Variants in FRMD4A observed in about 807,000 individuals in gnomAD.
FRMD4A encodes FERM domain containing 4A, also known as FERM domain-containing protein 4A.
A neutral mutation model predicts 129.1 loss-of-function variants in FRMD4A; 29 were observed. The observed-to-expected ratio is 0.22, with a 90% CI of 0.17 to 0.31. The LOEUF (loss-of-function observed/expected upper bound fraction) is 0.31. FRMD4A is among the 10% of genes least tolerant of loss of function. The pLI is 1.00. For synonymous variants in FRMD4A, 634 were observed against 571.6 expected (o/e 1.11, Z -1.56); for missense variants, 1,272 against 1,375.8 (o/e 0.92, Z 1.19).
chr10:14,121,597 C>A (rs1235665540), intron 2 of FRMD4A, among the ~76,000 whole-genome samples: 1 of 152,186 alleles, frequency 6.6e-6, no homozygotes, highest in Non-Finnish European at 1.5e-5. Context: ...AAGGGCAAAG[C>A]AACATCCCTG....
rs1842761235 is a variant in FRMD4A, at chr10:14,205,705, G to T, written c.45+124353C>A. On this transcript the variant is annotated intron_variant, in intron 2 of 24. Coordinates refer to ENST00000357447, the MANE Select transcript of FRMD4A (RefSeq NM_018027.5). ...ACCTGTAGTCCCAGCTACTCAGGAGGCTGAGGTGGGAGAATCACTTGAAGC... is the reference window on the plus strand; with the variant it reads ...ACCTGTAGTCCCAGCTACTCAGGAGTCTGAGGTGGGAGAATCACTTGAAGC... 2.0e-5 allele frequency among the ~76,000 whole-genome samples: 3 copies of T among 151,496 alleles called. No homozygotes were observed. In the South Asian group the frequency reaches 6.2e-4, roughly 31 times the overall value.
At chr10:13,981,870 C>T (rs2131405276) in intron 2 of FRMD4A, among the ~76,000 whole-genome samples, 2 of 152,078 alleles carry the variant, frequency 1.3e-5, no homozygotes, top group Admixed American at 1.3e-4. Flanking sequence ...GATCCAGTGA[C>T]CTGCAGGTAG....
At chr10:13,931,126 G>A (rs149004850) in intron 2 of FRMD4A, among the ~76,000 whole-genome samples, 1 of 152,296 alleles carries the variant, frequency 6.6e-6, no homozygotes, top group Non-Finnish European at 1.5e-5. Flanking sequence ...TAACTTTTCT[G>A]ATGTAAGGTG....
intron 2 of FRMD4A, among the ~76,000 whole-genome samples, chr10:14,035,949 G>A: frequency 6.6e-6 from 1 of 152,000 alleles, no homozygotes; most frequent in South Asian, 2.1e-4. Flanking sequence ...GGCTGAGGCA[G>A]GAGAATCACT....
chr10:13,936,916 C>A (rs2095253720), intron 2 of FRMD4A, among the ~76,000 whole-genome samples: 1 of 152,184 alleles, frequency 6.6e-6, no homozygotes, highest in South Asian at 2.1e-4. Context: ...AAGCTTTTCC[C>A]CTTAAATAAA....
At chr10:14,001,970 G>A (rs1431162433) in intron 2 of FRMD4A, among the ~76,000 whole-genome samples, 6 of 152,206 alleles carry the variant, frequency 3.9e-5, no homozygotes, top group African/African-American at 1.4e-4. Context: ...CAACGATAGA[G>A]ACTCTGTTGT....
chr10:14,294,647 C>T (rs1845952678), intron 2 of FRMD4A, among the ~76,000 whole-genome samples: 1 of 152,234 alleles, frequency 6.6e-6, no homozygotes, highest in East Asian at 1.9e-4. Flanking sequence ...TTCTCTACAA[C>T]AGTGAGCACA....
intron 2 of FRMD4A, among the ~76,000 whole-genome samples, chr10:14,012,531 G>C (rs2095685832): frequency 6.6e-6 from 1 of 152,198 alleles, no homozygotes; most frequent in Non-Finnish European, 1.5e-5. Context: ...CCATTGGAGA[G>C]AGAACATTTT....
chr10:13,963,459 G>C (rs577927419), intron 2 of FRMD4A, among the ~76,000 whole-genome samples: 15 of 152,246 alleles, frequency 9.9e-5, no homozygotes, highest in African/African-American at 3.6e-4. Flanking sequence ...CTTTCCACAT[G>C]TGGAAACGTT....
At chr10:14,325,044 A>C (rs1351042924) in intron 2 of FRMD4A, among the ~76,000 whole-genome samples, 1 of 152,226 alleles carries the variant, frequency 6.6e-6, no homozygotes, top group Non-Finnish European at 1.5e-5. Context: ...ACCATATAAT[A>C]GGAAGATGTC....
intron 6 of FRMD4A, among the ~76,000 whole-genome samples, chr10:13,773,361 C>G (rs988702573): frequency 1.3e-5 from 2 of 152,336 alleles, no homozygotes; most frequent in African/African-American, 4.8e-5. Context: ...ACAGCCCTTT[C>G]TCCTAGTTAG....
chr10:14,183,249 G>C (rs1440796017), intron 2 of FRMD4A, among the ~76,000 whole-genome samples: 2 of 152,186 alleles, frequency 1.3e-5, no homozygotes, highest in Admixed American at 1.3e-4. Flanking sequence ...ATGAAATAAT[G>C]TGCAGACAGA....
chr10:14,113,244 G>C (rs542150399), intron 2 of FRMD4A, among the ~76,000 whole-genome samples: 2 of 152,144 alleles, frequency 1.3e-5, no homozygotes, highest in Non-Finnish European at 2.9e-5. Context: ...CCACTTACAC[G>C]TGAATTTTCT....
chr10:14,162,641 G>GTTTTTTTTTTTTTTTTTTTTTTTT (rs71388160), intron 2 of FRMD4A, among the ~76,000 whole-genome samples: 4 of 118,396 alleles, frequency 3.4e-5, no homozygotes, highest in African/African-American at 1.0e-4. Context: ...TTTTTTTTTT[G>GTTTTTTTTTTTTTTTTTTTTTTTT]TTTTTTTTTT....
chr10:14,190,666 G>T (rs997789121), intron 2 of FRMD4A, among the ~76,000 whole-genome samples: 5 of 152,230 alleles, frequency 3.3e-5, no homozygotes, highest in South Asian at 4.1e-4. Context: ...GATTACCGGC[G>T]TGAGCCCCGG....
At chr10:13,932,797 CAA>C (rs2095212595) in intron 2 of FRMD4A, among the ~76,000 whole-genome samples, 1 of 152,028 alleles carries the variant, frequency 6.6e-6, no homozygotes, top group African/African-American at 2.4e-5. Context: ...CACAATAACC[CAA>C]TGTGGGTTAT....
At chr10:13,978,686 A>C (rs1242093983) in intron 2 of FRMD4A, among the ~76,000 whole-genome samples, 1 of 152,172 alleles carries the variant, frequency 6.6e-6, no homozygotes, top group Non-Finnish European at 1.5e-5. Context: ...TCATCATGGC[A>C]TCATCGTTTC....
At chr10:13,756,205 A>C (rs1448327325) in intron 8 of FRMD4A, 1 of 152,202 alleles carries the variant, frequency 6.6e-6, no homozygotes, top group Non-Finnish European at 1.5e-5. Flanking sequence ...GTTAACAAAA[A>C]ATTCTATAGA....
intron 2 of FRMD4A, among the ~76,000 whole-genome samples, chr10:14,283,161 T>C (rs1265806260): frequency 6.6e-6 from 1 of 152,240 alleles, no homozygotes; most frequent in Non-Finnish European, 1.5e-5. Flanking sequence ...AAAACAGCAC[T>C]TGCTAAATGT....
Sources: gnomAD v4.1 joint callset for allele counts (sites outside exome capture counted in the v4.1 genomes callset) on GRCh38, gnomAD v4.1.1 for gene constraint, MANE v1.5 for transcripts, NCBI Gene and HGNC (gene_info 2026-07-23, HGNC 2026-07-21) for gene names.